FGD4: variants seen among roughly 807,000 people sequenced by gnomAD.
The protein encoded by FGD4 is FYVE, RhoGEF and PH domain containing 4, also known as FYVE, RhoGEF and PH domain-containing protein 4.
In FGD4, 42 loss-of-function variants were observed where a neutral mutation model predicts 102.0. The observed-to-expected ratio is 0.41, with a 90% CI of 0.32 to 0.53. FGD4 has a LOEUF of 0.53. Ranked by LOEUF, FGD4 falls within the 20% of genes least tolerant of loss-of-function variation. FGD4 has a pLI of 0.21. For synonymous variants in FGD4, 380 were observed against 375.7 expected, an observed-to-expected ratio of 1.01 and a Z score of -0.13; for missense variants, 902 against 1,078.2, an observed-to-expected ratio of 0.84 and a Z score of 2.29.
At chr12:32,541,568 G>A (rs896498349) in intron 1 of FGD4, among the ~76,000 whole-genome samples, 2 of 152,082 alleles carry the variant, frequency 1.3e-5, no homozygotes, top group African/African-American at 4.8e-5. Context: ...GTTTCACCAC[G>A]TTGGCCAGGC....
At chr12:32,509,800 G>A (rs1250727943) in intron 1 of FGD4, among the ~76,000 whole-genome samples, 9 of 152,128 alleles carry the variant, frequency 5.9e-5, no homozygotes, top group Non-Finnish European at 1.2e-4. Flanking sequence ...ATTCCTCTAG[G>A]TGTGTGACCT....
rs567662398 is a variant in FGD4 at position 32,482,040 on chromosome 12, AAC to A, written c.166+82083_166+82084del. Among the ~76,000 whole-genome samples, 5 of 152,302 alleles carry A rather than the reference AAC, an allele frequency of 3.3e-5. No individual in the cohort carries two copies. In the East Asian group the frequency reaches 9.6e-4, roughly 29 times the overall value. ...CTTGGTACCTACACATTTCTTAGAG[AAC>A]AGTCTCAAATTTACAAATCAAAGTA... On this transcript the variant is annotated intron_variant, in intron 1 of 16. Transcript: ENST00000534526.
Position 32,399,741 on chromosome 12 carries a change from C to A in FGD4, c.-53C>A. On this transcript the variant is annotated 5_prime_UTR_variant, in exon 1 of 17. An upstream open reading frame in the 5' UTR gains an earlier in-frame stop. Transcript: ENST00000534526. ...CAGGCGACGCCCCCCAGGGGCCGCT[C>A]GCGGCTGGACGGGAGCGGGAGGAGT... The A allele has an allele frequency of 6.6e-7, 1 of 1,515,206 alleles. No individual in the cohort carries two copies. Among genetic ancestry groups the A allele is most frequent in the South Asian group, 1.2e-5 (1 of 82,224 alleles). 93.9% of individuals were successfully genotyped at this position (1,515,206 alleles called of 1,614,324 possible). A position where few individuals can be genotyped will look rare whatever the true frequency, so the allele number is the denominator to read the frequency against.
intron 1 of FGD4, among the ~76,000 whole-genome samples, chr12:32,426,441 T>G (rs1333173009): frequency 2.0e-5 from 3 of 152,192 alleles, no homozygotes; most frequent in African/African-American, 7.2e-5. Flanking sequence ...ATAAGCTTTT[T>G]GATGTGCTGC....
Position 32,642,769 on chromosome 12 carries a change from A to G in FGD4, c.*2236A>G, listed in dbSNP as rs936265349. The G allele has an allele frequency of 6.6e-6, 1 of 152,286 alleles. No homozygotes were observed. The highest frequency in any genetic ancestry group is 6.5e-5 in the Admixed American group (1 of 15,276). The allele number at this position is 152,286 out of a possible 1,614,324, so 9.4% of individuals were successfully genotyped here. Reference sequence around the variant, plus strand: ...CACCCCACATTCTTCAGCTAAACGCAAAGAGAAGCAGTGAAACAGCCTTAC... The same window carrying G: ...CACCCCACATTCTTCAGCTAAACGCGAAGAGAAGCAGTGAAACAGCCTTAC... On this transcript the variant is annotated 3_prime_UTR_variant, in exon 17 of 17. Coordinates refer to ENST00000534526, the MANE Select transcript of FGD4 (RefSeq NM_001370298.3).
intron 8 of FGD4, 86 bp downstream of exon 8, chr12:32,608,181 A>C: frequency 6.6e-7 from 1 of 1,525,700 alleles, no homozygotes. Context: ...AATACATCTC[A>C]CAGCTACTTT....
At chr12:32,577,703 C>G (rs2136387784) in intron 3 of FGD4, among the ~76,000 whole-genome samples, 2 of 152,326 alleles carry the variant, frequency 1.3e-5, no homozygotes. Flanking sequence ...CCTTTGCTAT[C>G]TTGAATTACA....
At chr12:32,601,569 G>T (rs946528829) in intron 6 of FGD4, 146 bp downstream of exon 6, 14 of 994,068 alleles carry the variant, frequency 1.4e-5, no homozygotes, top group African/African-American at 4.9e-5. Context: ...AGAAGTTGTG[G>T]TACAAAGGAC....
At chr12:32,596,450 A>G (rs1165072841) in intron 4 of FGD4, among the ~76,000 whole-genome samples, 2 of 152,222 alleles carry the variant, frequency 1.3e-5, no homozygotes, top group Non-Finnish European at 2.9e-5. Flanking sequence ...CTGTGATGAT[A>G]AAAGTTTGAG....
intron 4 of FGD4, among the ~76,000 whole-genome samples, chr12:32,589,372 G>GT (rs1055935532): frequency 1.9e-4 from 29 of 152,152 alleles, no homozygotes; most frequent in African/African-American, 6.3e-4. Flanking sequence ...TAGGGTTCCT[G>GT]TATTTTGTTT....
intron 1 of FGD4, among the ~76,000 whole-genome samples, chr12:32,524,091 T>C (rs1358947808): frequency 6.6e-6 from 1 of 151,334 alleles, no homozygotes; most frequent in Non-Finnish European, 1.5e-5. Flanking sequence ...AACACCATGT[T>C]TGTGCTTAGA....
Position 32,399,688 on chromosome 12 carries a change from C to G in FGD4, c.-106C>G, listed in dbSNP as rs11051981. ...GAGGAGACGCCGCAGTAGAGGGCGCCCCCGGAGTCGCGCCGAACCTGGGCA... is the reference window on the plus strand; with the variant it reads ...GAGGAGACGCCGCAGTAGAGGGCGCGCCCGGAGTCGCGCCGAACCTGGGCA... On this transcript the variant is annotated 5_prime_UTR_variant, in exon 1 of 17. Transcript: ENST00000534526. The G allele has an allele frequency of 0.021, 31,308 of 1,461,630 alleles. 4,223 individuals carry two copies. The African/African-American group carries it at 0.34, about 16-fold the overall frequency. The allele number at this position is 1,461,630 out of a possible 1,614,324, so 90.5% of individuals were successfully genotyped here. A position where few individuals can be genotyped will look rare whatever the true frequency, so the allele number is the denominator to read the frequency against.
At position 32,506,030 on chromosome 12, in the gene FGD4, C is replaced by T. The variant is rs567433720; in HGVS notation, c.167-58107C>T. ...TTAATGCCCTCATTTTAAAGAAGAACCTGAGGCCCATAAAGATTAAGCAGC... is the reference window on the plus strand; with the variant it reads ...TTAATGCCCTCATTTTAAAGAAGAATCTGAGGCCCATAAAGATTAAGCAGC... On this transcript the variant is annotated intron_variant, in intron 1 of 16. Coordinates refer to ENST00000534526, the MANE Select transcript of FGD4 (RefSeq NM_001370298.3). The surrounding 1 kb of genome is among the most constrained non-coding windows in gnomAD (Gnocchi z 4.5). Among the ~76,000 whole-genome samples, 8 of 152,110 alleles carry T rather than the reference C, an allele frequency of 5.3e-5. No individual in the cohort carries two copies. Among genetic ancestry groups the T allele is most frequent in the Non-Finnish European group, 1.2e-4 (8 of 68,024 alleles).
chr12:32,643,913 GT>G lies in FGD4; in HGVS notation c.*3381del, dbSNP rs1354028492. On this transcript the variant is annotated 3_prime_UTR_variant, in exon 17 of 17. Transcript: ENST00000534526. ...AGTTCTTAATCTGAGCATATTGTCT[GT>G]GATAAATTTCTGATGATCTTTCTGG... The G allele has an allele frequency of 6.6e-6, 1 of 152,024 alleles. No individual in the cohort carries two copies. Among genetic ancestry groups the G allele is most frequent in the African/African-American group, 2.4e-5 (1 of 41,418 alleles). 9.4% of individuals were successfully genotyped at this position (152,024 alleles called of 1,614,324 possible).
At chr12:32,446,004 A>G (rs1362787683) in intron 1 of FGD4, among the ~76,000 whole-genome samples, 4 of 152,080 alleles carry the variant, frequency 2.6e-5, no homozygotes, top group African/African-American at 9.7e-5. Flanking sequence ...CGTCTCTACT[A>G]AAAATACAAA....
At chr12:32,531,448 C>T (rs1454081809) in intron 1 of FGD4, among the ~76,000 whole-genome samples, 3 of 152,140 alleles carry the variant, frequency 2.0e-5, no homozygotes, top group East Asian at 3.8e-4. Context: ...TCTGTCATGC[C>T]GTTTTATGAA....
chr12:32,623,774 A>G (rs972085921), intron 11 of FGD4, among the ~76,000 whole-genome samples: 2 of 152,236 alleles, frequency 1.3e-5, no homozygotes, highest in Non-Finnish European at 2.9e-5. Flanking sequence ...TTATAGGAAA[A>G]AGGAAACCTG....
At chr12:32,404,569 A>C (rs1264211183) in intron 1 of FGD4, among the ~76,000 whole-genome samples, 1 of 152,194 alleles carries the variant, frequency 6.6e-6, no homozygotes, top group African/African-American at 2.4e-5. Flanking sequence ...GGCAGGATTC[A>C]GACTTATGTC....
chr12:32,624,262 T>C (rs570791050), intron 11 of FGD4, among the ~76,000 whole-genome samples, 160 bp from the exon 12 acceptor site: 2 of 152,336 alleles, frequency 1.3e-5, no homozygotes, highest in South Asian at 4.1e-4. Flanking sequence ...TTAAGAAGAA[T>C]TTTATTTGTT....
Sources: allele counts gnomAD v4.1 joint callset (sites outside exome capture counted in the v4.1 genomes callset), GRCh38; gene constraint gnomAD v4.1.1; non-coding constraint Gnocchi (gnomAD v3.1); transcripts MANE v1.5; gene names NCBI Gene and HGNC (gene_info 2026-07-23, HGNC 2026-07-21).